STK32B: variants seen among roughly 807,000 people sequenced by gnomAD.
STK32B encodes serine/threonine kinase 32B.
Under a neutral mutation model 52.6 loss-of-function variants are expected in STK32B, and 43 were observed. That is an observed-to-expected ratio of 0.82 (90% CI 0.64 to 1.05). The LOEUF is 1.05. STK32B is among the 50% of genes least tolerant of loss of function. The pLI, the probability that STK32B is intolerant of heterozygous loss-of-function variation, is 0.00. For missense variants in STK32B, 621 were observed against 534.6 expected, an observed-to-expected ratio of 1.16 and a Z score of -1.59; for synonymous variants, 238 against 204.3, an observed-to-expected ratio of 1.17 and a Z score of -1.41.
At chr4:5,057,341 G>A (rs1053862037) in intron 1 of STK32B, among the ~76,000 whole-genome samples, 4 of 152,158 alleles carry the variant, frequency 2.6e-5, no homozygotes, top group Non-Finnish European at 5.9e-5. Flanking sequence ...ACCCTACACT[G>A]CCAGTAGCTT....
At chr4:5,295,246 G>C (rs189598442) in intron 3 of STK32B, among the ~76,000 whole-genome samples, 2 of 151,612 alleles carry the variant, frequency 1.3e-5, no homozygotes, top group African/African-American at 2.4e-5. Flanking sequence ...TTATTTTTTT[G>C]TTGTGTCTCT....
rs1474337254 is a variant in STK32B at position 5,168,516 on chromosome 4, C to T, written c.260+66C>T. ...TGGGGAGCCAAATGCAAATTCGCCT[C>T]TGCTAGAGGGACTCTTCCGCATTGT... On this transcript the variant is annotated intron_variant, in intron 3 of 11. Coordinates refer to ENST00000282908, the MANE Select transcript of STK32B (RefSeq NM_018401.3). The T allele has an allele frequency of 4.0e-6, 6 of 1,511,992 alleles. No individual in the cohort carries two copies. The East Asian group carries it at 1.4e-4, about 35-fold the overall frequency. The allele number at this position is 1,511,992 out of a possible 1,614,324, so 93.7% of individuals were successfully genotyped here.
chr4:5,084,684 TG>T (rs1392865638), intron 1 of STK32B, among the ~76,000 whole-genome samples: 1 of 152,212 alleles, frequency 6.6e-6, no homozygotes, highest in Admixed American at 6.5e-5. Context: ...TTTCTTTCTT[TG>T]TTGGAAAAAG....
intron 1 of STK32B, among the ~76,000 whole-genome samples, chr4:5,066,085 C>G (rs1357865710): frequency 6.6e-6 from 1 of 152,130 alleles, no homozygotes; most frequent in Non-Finnish European, 1.5e-5. Context: ...CTCTGGTTTC[C>G]TATTTATAAT....
At chr4:5,420,984 C>T (rs1426065102) in intron 6 of STK32B, among the ~76,000 whole-genome samples, 1 of 152,228 alleles carries the variant, frequency 6.6e-6, no homozygotes, top group East Asian at 1.9e-4. Context: ...ACTGCAACCT[C>T]TGCCTCCCAG....
intron 3 of STK32B, among the ~76,000 whole-genome samples, chr4:5,191,101 C>G (rs1721165110): frequency 1.3e-5 from 2 of 152,192 alleles, no homozygotes; most frequent in African/African-American, 4.8e-5. Context: ...TTCTCTGGCC[C>G]TCTGTTTTCT....
intron 3 of STK32B, among the ~76,000 whole-genome samples, chr4:5,329,852 A>G (rs921191953): frequency 1.3e-5 from 2 of 152,222 alleles, no homozygotes; most frequent in Non-Finnish European, 2.9e-5. Context: ...CCTGGACCCC[A>G]GTCTCTGTAA....
At position 5,446,207 on chromosome 4, in the gene STK32B, A is replaced by G. The variant is rs564278024; in HGVS notation, c.563-466A>G. On this transcript the variant is annotated intron_variant, in intron 6 of 11. Coordinates refer to ENST00000282908, the MANE Select transcript of STK32B (RefSeq NM_018401.3). ...CCTGTAACTTGTTCTCAGACAGCTC[A>G]TGGCTTACTGAGGGTACAAACCACA... 3.3e-5 allele frequency among the ~76,000 whole-genome samples: 5 copies of G among 152,368 alleles called. No homozygotes were observed. The East Asian group carries it at 9.6e-4, about 29-fold the overall frequency.
the STK32B span, among the ~76,000 whole-genome samples, chr4:5,027,520 T>C: frequency 2.6e-5 from 4 of 152,234 alleles, no homozygotes; most frequent in Admixed American, 6.5e-5. Context: ...TATGTTACCA[T>C]GCAGCTGTGC....
At chr4:5,122,378 TCA>T (rs1715092576) in intron 1 of STK32B, among the ~76,000 whole-genome samples, 1 of 108,194 alleles carries the variant, frequency 9.2e-6, no homozygotes, top group Admixed American at 8.7e-5. Flanking sequence ...ATTCACTCAT[TCA>T]TTCACTCACT....
intron 3 of STK32B, among the ~76,000 whole-genome samples, chr4:5,265,041 C>T (rs529503935): frequency 6.6e-6 from 1 of 152,184 alleles, no homozygotes; most frequent in East Asian, 1.9e-4. Context: ...TTCTGTGTTC[C>T]TTCTAGAAAA....
intron 3 of STK32B, among the ~76,000 whole-genome samples, chr4:5,281,687 G>T (rs897358546): frequency 2.0e-5 from 3 of 152,158 alleles, no homozygotes; most frequent in Non-Finnish European, 4.4e-5. Flanking sequence ...CAGCAACAAA[G>T]TTGAGAGATA....
intron 3 of STK32B, among the ~76,000 whole-genome samples, chr4:5,187,969 T>G (rs1720875069): frequency 6.6e-6 from 1 of 152,184 alleles, no homozygotes; most frequent in Non-Finnish European, 1.5e-5. Context: ...CCTTTCCTCT[T>G]CCTAGGTGTG....
intron 1 of STK32B, among the ~76,000 whole-genome samples, chr4:5,099,454 G>GCGCACGCGCGTGCGCGCGCA (rs1553823532): frequency 3.1e-5 from 4 of 129,744 alleles, no homozygotes; most frequent in African/African-American, 1.0e-4. Context: ...GTGTGTGCGC[G>GCGCACGCGCGTGCGCGCGCA]CGCGCGTATG....
At chr4:5,185,348 A>G (rs1017739713) in intron 3 of STK32B, among the ~76,000 whole-genome samples, 1 of 152,200 alleles carries the variant, frequency 6.6e-6, no homozygotes, top group African/African-American at 2.4e-5. Flanking sequence ...AGGGCAATGT[A>G]GGTTTCTAGA....
intron 4 of STK32B, among the ~76,000 whole-genome samples, chr4:5,332,698 C>T (rs969240308): frequency 2.0e-5 from 3 of 151,986 alleles, no homozygotes; most frequent in African/African-American, 4.8e-5. Flanking sequence ...TTCCTGTGTC[C>T]GTGTGTTATC....
intron 1 of STK32B, among the ~76,000 whole-genome samples, chr4:5,090,729 A>T (rs4444766): frequency 6.6e-6 from 1 of 152,080 alleles, no homozygotes; most frequent in East Asian, 1.9e-4. Flanking sequence ...AATTTTCTGC[A>T]TATGGCTAGC....
intron 2 of STK32B, among the ~76,000 whole-genome samples, chr4:5,156,572 A>T (rs891020874): frequency 6.6e-6 from 1 of 152,210 alleles, no homozygotes; most frequent in African/African-American, 2.4e-5. Flanking sequence ...CTCTGTAGTC[A>T]GCAGGGCTTC....
intron 3 of STK32B, among the ~76,000 whole-genome samples, chr4:5,186,728 A>G (rs950293784): frequency 2.6e-5 from 4 of 151,980 alleles, no homozygotes; most frequent in African/African-American, 9.7e-5. Context: ...TCCTCGACAT[A>G]CCCATCCCCA....
Sources: gnomAD v4.1 joint callset for allele counts (sites outside exome capture counted in the v4.1 genomes callset) on GRCh38, gnomAD v4.1.1 for gene constraint, MANE v1.5 for transcripts, NCBI Gene and HGNC (gene_info 2026-07-23, HGNC 2026-07-21) for gene names.